Variants in MYO7B observed in about 807,000 individuals in gnomAD.
The protein encoded by MYO7B is unconventional myosin-VIIb.
A neutral mutation model predicts 259.7 loss-of-function variants in MYO7B; 212 were observed. The observed-to-expected ratio is 0.82, with a 90% confidence interval of 0.73 to 0.91. The LOEUF is 0.91. MYO7B is among the 40% of genes least tolerant of loss of function. MYO7B has a pLI of 0.00. For missense variants in MYO7B, 2,732 were observed against 2,813.5 expected, an observed-to-expected ratio of 0.97 and a Z score of 0.66; for synonymous variants, 1,197 against 1,166.4, an observed-to-expected ratio of 1.03 and a Z score of -0.54.
Position 127,635,914 on chromosome 2 carries a change from G to C in MYO7B, c.6006+7G>C, listed in dbSNP as rs1217208401. 6.4e-7 allele frequency: 1 copy of C among 1,560,700 alleles called. No homozygotes were observed. On this transcript the variant is annotated splice_region_variant and intron_variant, in intron 44 of 47. Transcript: ENST00000409816. ...CTCGGAGGAGTGGAAAAAGGTCCCT[G>C]GTCGGGCTGGGGAAGGGTTCTTGTG...
intron 6 of MYO7B, among the ~76,000 whole-genome samples, chr2:127,570,217 G>A (rs943909038): frequency 1.3e-5 from 2 of 152,146 alleles, no homozygotes; most frequent in Admixed American, 6.5e-5. Flanking sequence ...GTGTTCAGTT[G>A]CTGGAACTGA....
chr2:127,603,906 G>A (rs1023330112), intron 19 of MYO7B, among the ~76,000 whole-genome samples: 8 of 152,158 alleles, frequency 5.3e-5, no homozygotes, highest in Admixed American at 4.6e-4. Context: ...GGCCAAGGTG[G>A]GTGGATCACA....
chr2:127,619,530 C>T (rs879904102), intron 26 of MYO7B, among the ~76,000 whole-genome samples: 10 of 152,128 alleles, frequency 6.6e-5, no homozygotes, highest in Non-Finnish European at 1.3e-4. Flanking sequence ...AGGAGGGATG[C>T]AGGAACTCAG....
At chr2:127,631,036 C>T in intron 36 of MYO7B, 128 bp downstream of exon 36, 1 of 1,376,118 alleles carries the variant, frequency 7.3e-7, no homozygotes, top group East Asian at 2.5e-5. Flanking sequence ...GAGGCCACGC[C>T]ACCCATGTGG....
chr2:127,581,975 G>A lies in MYO7B; in HGVS notation c.1165G>A (p.Ala389Thr), dbSNP rs760253077. 2.2e-5 allele frequency: 36 copies of A among 1,613,804 alleles called. No individual in the cohort carries two copies. The highest frequency in any genetic ancestry group is 3.1e-5 in the Non-Finnish European group (36 of 1,179,880). ...ATTTGTCACCAGGTCCCTGAACATT[G>A]CCCAGGCTGCTGACCGGAGGGACGC... ...GEFVTRSLNI[A>T]QAADRRDAFV... The change falls in exon 11 of 48, where the codon GCC (alanine) becomes ACC (threonine). Residue 389 changes from alanine (A) to threonine (T), a missense_variant. This residue lies in a region of MYO7B where 1,906 missense variants were observed against 2,026.4 expected (regional missense o/e 0.94). Coordinates refer to ENST00000409816, the MANE Select transcript of MYO7B (RefSeq NM_001393586.1).
chr2:127,633,680 G>A (rs973274198), intron 40 of MYO7B, among the ~76,000 whole-genome samples: 3 of 152,208 alleles, frequency 2.0e-5, no homozygotes, highest in Non-Finnish European at 4.4e-5. Context: ...TGGGGTGCAG[G>A]AGAGCAGGTA....
rs1032405289 is a variant in MYO7B, at chr2:127,546,412, C to T, written c.-24+10581C>T. 2.0e-5 allele frequency among the ~76,000 whole-genome samples: 3 copies of T among 152,200 alleles called. No individual in the cohort carries two copies. The highest frequency in any genetic ancestry group is 6.5e-5 in the Admixed American group (1 of 15,284). On this transcript the variant is annotated intron_variant, in intron 1 of 47. Transcript: ENST00000409816. The surrounding 1 kb of genome is among the most constrained non-coding windows in gnomAD (Gnocchi z 4.2). ...TCCAGCAATGCTTTGATCTTCCCTG[C>T]ACCTCCACCTCCCCACTTGCCTTTC... is the stretch of plus-strand genomic sequence containing the variant.
chr2:127,632,548 G>A (rs1246541384), intron 39 of MYO7B, 147 bp downstream of exon 39: 8 of 1,091,642 alleles, frequency 7.3e-6, no homozygotes, highest in African/African-American at 4.9e-5. Flanking sequence ...ATTGGGCCCC[G>A]AGCTGCCAGA....
intron 1 of MYO7B, among the ~76,000 whole-genome samples, chr2:127,538,307 A>G (rs973593180): frequency 6.6e-6 from 1 of 152,126 alleles, no homozygotes; most frequent in Non-Finnish European, 1.5e-5. Context: ...TTCCATGATG[A>G]TAGAAATGTT....
chr2:127,627,275 C>T lies in MYO7B; in HGVS notation c.4425C>T (p.Leu1475=). 1 of 1,612,946 alleles carries T rather than the reference C, an allele frequency of 6.2e-7. No homozygotes were observed. Among genetic ancestry groups the T allele is most frequent in the Non-Finnish European group, 8.5e-7 (1 of 1,179,688 alleles). ...LDQQEKMLLE[L]SFPEVMGLAT... Reference sequence around the variant, plus strand: ...AGCAGGAGAAGATGCTGCTGGAACTCTCTTTCCCAGAGGTCATGGGTCTGG... The same window carrying T: ...AGCAGGAGAAGATGCTGCTGGAACTTTCTTTCCCAGAGGTCATGGGTCTGG... Residue 1475 remains leucine (L), a synonymous_variant, in exon 33 of 48, where the codon CTC becomes CTT. Coordinates refer to ENST00000409816, the MANE Select transcript of MYO7B (RefSeq NM_001393586.1). This position sits in a 1 kb window ranked among gnomAD's most constrained non-coding sequence, Gnocchi z 5.6.
chr2:127,553,362 T>G (rs146430676), intron 1 of MYO7B, among the ~76,000 whole-genome samples: 52 of 152,356 alleles, frequency 3.4e-4, no homozygotes, highest in African/African-American at 1.3e-3. Flanking sequence ...TATGGTCATT[T>G]CACAACGTTG....
At position 127,621,017 on chromosome 2, in the gene MYO7B, GT is replaced by G. The variant is rs761139942; in HGVS notation, c.3525+553del. 6.6e-5 allele frequency among the ~76,000 whole-genome samples: 10 copies of G among 152,320 alleles called. 1 individual carries two copies. The East Asian group carries it at 1.3e-3, about 21-fold the overall frequency. ...ATATTTCCTTCTGGCCTTTTGTGGT[GT>G]TACAGGGTCCTTGTGATCAAACAGA... On this transcript the variant is annotated intron_variant, in intron 27 of 47. Coordinates refer to ENST00000409816, the MANE Select transcript of MYO7B (RefSeq NM_001393586.1).
At chr2:127,604,049 C>T (rs1558829075) in intron 19 of MYO7B, among the ~76,000 whole-genome samples, 1 of 152,344 alleles carries the variant, frequency 6.6e-6, no homozygotes, top group Middle Eastern at 3.4e-3. Flanking sequence ...AGGAGAATCG[C>T]TTGAACCTGG....
intron 1 of MYO7B, among the ~76,000 whole-genome samples, chr2:127,552,881 A>G (rs1693503042): frequency 6.6e-6 from 1 of 152,248 alleles, no homozygotes; most frequent in South Asian, 2.1e-4. Context: ...GTTCTTAAAC[A>G]TTCCCAAAGC....
rs141693180 is a variant in MYO7B, at chr2:127,595,435, A to G, written c.2245-1027A>G. On this transcript the variant is annotated intron_variant, in intron 18 of 47. Coordinates refer to ENST00000409816, the MANE Select transcript of MYO7B (RefSeq NM_001393586.1). Reference sequence around the variant, plus strand: ...AAAAAATCAGCTCCTGGATTCATTGATTTTTTGAAGAGTTTTTCGTATCTC... The same window carrying G: ...AAAAAATCAGCTCCTGGATTCATTGGTTTTTTGAAGAGTTTTTCGTATCTC... 8.5e-3 allele frequency among the ~76,000 whole-genome samples: 1,292 copies of G among 152,016 alleles called. 25 individuals are homozygous for G. Among genetic ancestry groups the G allele is most frequent in the African/African-American group, 0.03 (1,226 of 41,450 alleles).
In MYO7B at chr2:127,611,699, C is replaced by T. The variant is rs1011703452; in HGVS notation, c.3193-551C>T. 7.9e-5 allele frequency among the ~76,000 whole-genome samples: 12 copies of T among 152,268 alleles called. No individual in the cohort carries two copies. Among genetic ancestry groups the T allele is most frequent in the South Asian group, 4.1e-4 (2 of 4,826 alleles). On this transcript the variant is annotated intron_variant, in intron 24 of 47. Transcript: ENST00000409816. This position sits in a 1 kb window ranked among gnomAD's most constrained non-coding sequence, Gnocchi z 5.4. ...TTTTGGCAGCAAATTCTTCTCATGA[C>T]GCCATCATGAGAAGGGGCGGCCTCT...
chr2:127,550,016 G>T (rs17015401), intron 1 of MYO7B, among the ~76,000 whole-genome samples: 17,862 of 152,160 alleles, frequency 0.12, 1,378 homozygotes, highest in South Asian at 0.31. Context: ...ATAGCTCCTG[G>T]TACTTTTGGC....
rs1347563783 is a variant in MYO7B at position 127,607,904 on chromosome 2, G to A, written c.2643+480G>A. Reference sequence around the variant, plus strand: ...GGTGCAGCAAAGCTGAGCCAGACAAGCTGGGAAAGGCCCCAGTTCCATGGA... The same window carrying A: ...GGTGCAGCAAAGCTGAGCCAGACAAACTGGGAAAGGCCCCAGTTCCATGGA... On this transcript the variant is annotated intron_variant, in intron 21 of 47. Coordinates refer to ENST00000409816, the MANE Select transcript of MYO7B (RefSeq NM_001393586.1). The surrounding 1 kb of genome is among the most constrained non-coding windows in gnomAD (Gnocchi z 4.4). Among the ~76,000 whole-genome samples the A allele has an allele frequency of 1.3e-5, 2 of 152,206 alleles. No homozygotes were observed. Among genetic ancestry groups the A allele is most frequent in the African/African-American group, 4.8e-5 (2 of 41,446 alleles).
intron 41 of MYO7B, 41 bp from the exon 42 acceptor site, chr2:127,634,555 C>A (rs977531671): frequency 6.4e-7 from 1 of 1,558,024 alleles, no homozygotes; most frequent in South Asian, 1.2e-5. Flanking sequence ...AGGACAGTCC[C>A]CGGAAGCCAC....
Sources: gnomAD v4.1 joint callset for allele counts (sites outside exome capture counted in the v4.1 genomes callset) on GRCh38, gnomAD v4.1.1 for gene constraint, gnomAD v4.1.1 regional missense constraint, Gnocchi (gnomAD v3.1) non-coding constraint, MANE v1.5 for transcripts, NCBI Gene and HGNC (gene_info 2026-07-23, HGNC 2026-07-21) for gene names.